The following RALGAPA2 variants were observed in gnomAD, a reference collection of about 807,000 sequenced individuals.
RALGAPA2 encodes ral GTPase-activating protein subunit alpha-2.
A neutral mutation model predicts 230.4 loss-of-function variants in RALGAPA2; 139 were observed. The observed-to-expected ratio is 0.60, with a 90% CI of 0.53 to 0.69. The LOEUF is 0.69. RALGAPA2 is among the 30% of genes least tolerant of loss of function. The probability of loss-of-function intolerance (pLI) is 0.00; values close to 1 mark genes in which losing one functional copy is unlikely to be tolerated. For synonymous variants in RALGAPA2, 847 were observed against 837.8 expected (o/e 1.01, Z -0.19); for missense variants, 2,163 against 2,276.0 (o/e 0.95, Z 1.01).
intron 37 of RALGAPA2, among the ~76,000 whole-genome samples, chr20:20,420,559 T>C (rs1240010709): frequency 6.6e-6 from 1 of 152,100 alleles, no homozygotes; most frequent in Non-Finnish European, 1.5e-5. Flanking sequence ...GACTATGGCA[T>C]GGCAGAGAGA....
chr20:20,616,898 G>C (rs923429915), intron 12 of RALGAPA2, among the ~76,000 whole-genome samples: 5 of 152,184 alleles, frequency 3.3e-5, no homozygotes, highest in Admixed American at 2.6e-4. Context: ...CTCTGCCTCA[G>C]ACCTTTAGCA....
intron 3 of RALGAPA2, among the ~76,000 whole-genome samples, chr20:20,661,935 CAT>C (rs2067795891): frequency 6.6e-6 from 1 of 152,128 alleles, no homozygotes; most frequent in Admixed American, 6.5e-5. Flanking sequence ...CAACAAATAA[CAT>C]AGCATGAAAA....
intron 10 of RALGAPA2, among the ~76,000 whole-genome samples, chr20:20,624,241 C>A (rs1477702301): frequency 6.7e-6 from 1 of 148,930 alleles, no homozygotes; most frequent in African/African-American, 2.5e-5. Context: ...GAAGAAGAAT[C>A]ACTTGAACCC....
rs575790239 is a variant in RALGAPA2 at position 20,575,972 on chromosome 20, T to C, written c.2708-2904A>G. 4.6e-5 allele frequency among the ~76,000 whole-genome samples: 7 copies of C among 152,276 alleles called. No individual in the cohort carries two copies. The South Asian group carries it at 1.0e-3, about 23-fold the overall frequency. On this transcript the variant is annotated intron_variant, in intron 20 of 39. Coordinates refer to ENST00000202677, the MANE Select transcript of RALGAPA2 (RefSeq NM_020343.4). ...ACTCTACTGTCTTTAATAATATGCA[T>C]TATTATAATTTATGTCTTTGTTACT...
chr20:20,464,802 G>A (rs1484970681), intron 37 of RALGAPA2, among the ~76,000 whole-genome samples: 1 of 152,054 alleles, frequency 6.6e-6, no homozygotes, highest in Non-Finnish European at 1.5e-5. Flanking sequence ...AAAACACCCA[G>A]TAAGAAGAAA....
chr20:20,396,858 TGTCA>T, intron 38 of RALGAPA2, 124 bp from the exon 39 acceptor site: 1 of 785,882 alleles, frequency 1.3e-6, no homozygotes, highest in Non-Finnish European at 2.1e-6. Flanking sequence ...TCTGCAGCCT[TGTCA>T]ATCAGTAAAA....
intron 3 of RALGAPA2, among the ~76,000 whole-genome samples, chr20:20,672,073 C>T (rs536046244): frequency 6.2e-4 from 94 of 152,140 alleles, no homozygotes; most frequent in Non-Finnish European, 1.3e-3. Flanking sequence ...GGTGACTATC[C>T]CCTCCAGCCC....
chr20:20,425,181 G>C (rs2060356165), intron 37 of RALGAPA2, among the ~76,000 whole-genome samples: 1 of 152,128 alleles, frequency 6.6e-6, no homozygotes, highest in Non-Finnish European at 1.5e-5. Flanking sequence ...ATCTATAGCA[G>C]ATACTCTGGT....
intron 20 of RALGAPA2, among the ~76,000 whole-genome samples, chr20:20,575,553 A>G (rs2064793012): frequency 6.6e-6 from 1 of 151,956 alleles, no homozygotes; most frequent in Non-Finnish European, 1.5e-5. Flanking sequence ...ATTTACTTTC[A>G]CCATTTTCTA....
intron 32 of RALGAPA2, among the ~76,000 whole-genome samples, chr20:20,512,192 A>G (rs1330169148): frequency 1.3e-5 from 2 of 151,218 alleles, no homozygotes; most frequent in African/African-American, 4.9e-5. Context: ...TGTCTCAAAA[A>G]ACAAAAAACA....
At chr20:20,525,823 G>A (rs531886533) in intron 28 of RALGAPA2, among the ~76,000 whole-genome samples, 3 of 152,266 alleles carry the variant, frequency 2.0e-5, no homozygotes, top group Admixed American at 6.5e-5. Flanking sequence ...CATTACAGCC[G>A]GTAATCATGC....
At chr20:20,481,439 T>C (rs2061773130) in intron 36 of RALGAPA2, among the ~76,000 whole-genome samples, 1 of 152,156 alleles carries the variant, frequency 6.6e-6, no homozygotes, top group African/African-American at 2.4e-5. Context: ...GCAGGCCACA[T>C]TGAAAATGAC....
At chr20:20,571,410 T>C (rs1284934146) in intron 23 of RALGAPA2, 48 bp downstream of exon 23, 2 of 1,535,990 alleles carry the variant, frequency 1.3e-6, no homozygotes, top group Non-Finnish European at 1.8e-6. Flanking sequence ...AAGAGTGATA[T>C]GCTATTTCCA....
At chr20:20,496,630 A>G (rs917719719) in intron 35 of RALGAPA2, among the ~76,000 whole-genome samples, 3 of 152,244 alleles carry the variant, frequency 2.0e-5, no homozygotes, top group African/African-American at 7.2e-5. Flanking sequence ...AGATGTGTCA[A>G]ATTTAACATT....
chr20:20,501,837 T>A (rs771071778), intron 35 of RALGAPA2, among the ~76,000 whole-genome samples: 1 of 152,152 alleles, frequency 6.6e-6, no homozygotes, highest in African/African-American at 2.4e-5. Flanking sequence ...GGGTTATTAA[T>A]TGGCCTAATT....
chr20:20,648,242 A>T (rs2067281818), intron 4 of RALGAPA2, among the ~76,000 whole-genome samples: 1 of 152,208 alleles, frequency 6.6e-6, no homozygotes, highest in South Asian at 2.1e-4. Context: ...CAAACAAAGA[A>T]GAGTACATAC....
intron 1 of RALGAPA2, among the ~76,000 whole-genome samples, chr20:20,683,613 T>C (rs1196287558): frequency 6.6e-6 from 1 of 152,190 alleles, no homozygotes; most frequent in Non-Finnish European, 1.5e-5. Context: ...TGAGACAAAG[T>C]AGCAAATGTA....
intron 13 of RALGAPA2, among the ~76,000 whole-genome samples, chr20:20,614,015 C>T (rs189193089): frequency 3.0e-4 from 46 of 152,118 alleles, no homozygotes; most frequent in Non-Finnish European, 5.4e-4. Context: ...CTACATAGTT[C>T]GCCACTATAT....
intron 29 of RALGAPA2, 22 bp from the exon 30 acceptor site, chr20:20,524,565 T>C (rs758224597): frequency 1.9e-5 from 31 of 1,613,582 alleles, no homozygotes; most frequent in South Asian, 1.9e-4. Context: ...ACATGCCCGG[T>C]AGCTTATGCT....
Sources: allele counts gnomAD v4.1 joint callset (sites outside exome capture counted in the v4.1 genomes callset), GRCh38; gene constraint gnomAD v4.1.1; transcripts MANE v1.5; gene names NCBI Gene and HGNC (gene_info 2026-07-23, HGNC 2026-07-21).